Variants in GDPD3 observed in about 807,000 individuals in gnomAD.
The protein encoded by GDPD3 is lysophospholipase D GDPD3.
Under a neutral mutation model 43.7 loss-of-function variants are expected in GDPD3, and 40 were observed. The observed-to-expected ratio is 0.91, with a 90% CI of 0.71 to 1.19. The LOEUF (loss-of-function observed/expected upper bound fraction) is 1.19, where lower values mean the gene tolerates loss of function less well. Ranked by LOEUF, GDPD3 falls within the 50% of genes most tolerant of loss-of-function variation. The pLI is 0.00. For missense variants in GDPD3, 363 were observed against 415.8 expected (o/e 0.87, Z 1.11); for synonymous variants, 145 against 162.9 (o/e 0.89, Z 0.84).
At position 30,111,456 on chromosome 16, in the gene GDPD3, C is replaced by T. The variant is rs2072898806; in HGVS notation, c.639G>A (p.Leu213=). ...RGFWVLLSYY[L]GLLPFIPIPE... Reference sequence around the variant, plus strand: ...GGATTGGGATGAAGGGCAGCAGCCCCAGGTAGTAGGAAAGCAGCACCCAGA... The same window carrying T: ...GGATTGGGATGAAGGGCAGCAGCCCTAGGTAGTAGGAAAGCAGCACCCAGA... The change falls in exon 7 of 10, where the codon CTG becomes CTA. Residue 213 remains leucine (L), a synonymous_variant. Coordinates refer to ENST00000406256, the MANE Select transcript of GDPD3 (RefSeq NM_024307.3). 1.2e-6 allele frequency: 2 copies of T among 1,613,838 alleles called. No homozygotes were observed. The highest frequency in any genetic ancestry group is 1.7e-5 in the Admixed American group (1 of 59,972).
At position 30,108,194 on chromosome 16, in the gene GDPD3, G is replaced by A. The variant is rs140584552; in HGVS notation, c.819+19C>T. Reference sequence around the variant, plus strand: ...GCTGCCAGGTCTGTGTGCGGTGGAAGTGGTGGTCACGGCCTCACCTGCACC... The same window carrying A: ...GCTGCCAGGTCTGTGTGCGGTGGAAATGGTGGTCACGGCCTCACCTGCACC... On this transcript the variant is annotated intron_variant, in intron 9 of 9. Transcript: ENST00000406256. 55 of 1,570,714 alleles carry A rather than the reference G, an allele frequency of 3.5e-5. No homozygotes were observed. The highest frequency in any genetic ancestry group is 4.6e-5 in the Non-Finnish European group (53 of 1,153,850).
In GDPD3 at chr16:30,112,244, A is replaced by G. The variant is rs750439194; in HGVS notation, c.484-23T>C. On this transcript the variant is annotated intron_variant, in intron 5 of 9. Coordinates refer to ENST00000406256, the MANE Select transcript of GDPD3 (RefSeq NM_024307.3). This position sits in a 1 kb window ranked among gnomAD's most constrained non-coding sequence, Gnocchi z 5.4. ...TATCTGGGAGGAGGAGAAGGAGGTGAAGGGAGAGCCAGGCCTCTCTCACGC... is the reference window on the plus strand; with the variant it reads ...TATCTGGGAGGAGGAGAAGGAGGTGGAGGGAGAGCCAGGCCTCTCTCACGC... 1 of 1,613,672 alleles carries G rather than the reference A, an allele frequency of 6.2e-7. No individual in the cohort carries two copies. The highest frequency in any genetic ancestry group is 2.2e-5 in the East Asian group (1 of 44,874).
intron 6 of GDPD3, chr16:30,111,836 A>G (rs572266141): frequency 1.9e-5 from 10 of 534,086 alleles, no homozygotes; most frequent in African/African-American, 3.8e-5. Flanking sequence ...GGGAGGCTGA[A>G]GCATGAGAAT....
chr16:30,112,488 A>G lies in GDPD3; in HGVS notation c.364+35T>C. On this transcript the variant is annotated intron_variant, in intron 4 of 9. Coordinates refer to ENST00000406256, the MANE Select transcript of GDPD3 (RefSeq NM_024307.3). This position sits in a 1 kb window ranked among gnomAD's most constrained non-coding sequence, Gnocchi z 5.4. The stretch of plus-strand genomic sequence containing the variant: ...AGGCGGAGGTCCAAGGAAGGCAGGC[A>G]TGGCCCAGGCAGGGCTCGAAGCCCT... 1.2e-6 allele frequency: 2 copies of G among 1,614,058 alleles called. No individual in the cohort carries two copies. The highest frequency in any genetic ancestry group is 1.7e-6 in the Non-Finnish European group (2 of 1,179,906).
Position 30,112,242 on chromosome 16 carries a change from T to C in GDPD3, c.484-21A>G, listed in dbSNP as rs374321382. On this transcript the variant is annotated intron_variant, in intron 5 of 9. Coordinates refer to ENST00000406256, the MANE Select transcript of GDPD3 (RefSeq NM_024307.3). The surrounding 1 kb of genome is among the most constrained non-coding windows in gnomAD (Gnocchi z 5.4). ...GCTATCTGGGAGGAGGAGAAGGAGG[T>C]GAAGGGAGAGCCAGGCCTCTCTCAC... 12 of 1,613,398 alleles carry C rather than the reference T, an allele frequency of 7.4e-6. No individual in the cohort carries two copies. In the African/African-American group the frequency reaches 1.6e-4, roughly 22 times the overall value.
chr16:30,108,291 GTGA>G (rs749264033), intron 8 of GDPD3, 27 bp from the exon 9 acceptor site: 12 of 1,612,844 alleles, frequency 7.4e-6, no homozygotes, highest in African/African-American at 1.3e-5. Context: ...GACGTGGGAG[GTGA>G]TGATGAGAGG....
chr16:30,105,627 C>T (rs1024825070), intron 9 of GDPD3, among the ~76,000 whole-genome samples: 4 of 150,796 alleles, frequency 2.7e-5, no homozygotes, highest in Non-Finnish European at 5.9e-5. Flanking sequence ...GTCTCAGCCT[C>T]CTGAGTAGCT....
rs747568122 is a variant in GDPD3 at position 30,113,446 on chromosome 16, G to C, written c.33C>G (p.Ala11=). Residue 11 remains alanine (A), a synonymous_variant, in exon 1 of 10, where the codon GCC becomes GCG. Coordinates refer to ENST00000406256, the MANE Select transcript of GDPD3 (RefSeq NM_024307.3). The surrounding 1 kb of genome is among the most constrained non-coding windows in gnomAD (Gnocchi z 5.9). MSLLLYYALP[A]LGSYAMLSIF... The stretch of plus-strand genomic sequence containing the variant: ...TGGAGAGCATGGCATAGCTGCCCAG[G>C]GCAGGGAGGGCATAGTACAGCAAAA... 1 of 1,607,846 alleles carries C rather than the reference G, an allele frequency of 6.2e-7. No individual in the cohort carries two copies. The highest frequency in any genetic ancestry group is 8.5e-7 in the Non-Finnish European group (1 of 1,176,368).
Position 30,111,447 on chromosome 16 carries a change from C to A in GDPD3, c.648G>T (p.Leu216=), listed in dbSNP as rs1485043387. The A allele has an allele frequency of 6.2e-7, 1 of 1,614,000 alleles. No homozygotes were observed. Among genetic ancestry groups the A allele is most frequent in the Non-Finnish European group, 8.5e-7 (1 of 1,179,962 alleles). The change falls in exon 7 of 10, where the codon CTG becomes CTT. Residue 216 remains leucine (L), a synonymous_variant. Transcript: ENST00000406256. The part of the protein sequence containing the change: ...WVLLSYYLGL[L]PFIPIPEKFF... ...ACTTCTCAGGGATTGGGATGAAGGG[C>A]AGCAGCCCCAGGTAGTAGGAAAGCA...
Position 30,111,383 on chromosome 16 carries a change from G to A in GDPD3, c.707+5C>T. On this transcript the variant is annotated splice_donor_5th_base_variant and intron_variant, in intron 7 of 9. Transcript: ENST00000406256. ...GTTTTTCTGAGGTCCGCCCCCCACT[G>A]GTACCTGTTGATGATGTTGGGCAGG... 1 of 1,613,684 alleles carries A rather than the reference G, an allele frequency of 6.2e-7. No homozygotes were observed. Among genetic ancestry groups the A allele is most frequent in the Non-Finnish European group, 8.5e-7 (1 of 1,179,806 alleles).
intron 9 of GDPD3, among the ~76,000 whole-genome samples, chr16:30,105,531 G>A (rs1337648200): frequency 6.6e-6 from 1 of 150,636 alleles, no homozygotes; most frequent in Non-Finnish European, 1.5e-5. Context: ...TTGAGATGGA[G>A]TCTTGGTTTG....
Position 30,108,402 on chromosome 16 carries a change from C to T in GDPD3, c.738G>A (p.Leu246=). Residue 246 remains leucine (L), a synonymous_variant, in exon 8 of 10, where the codon CTG becomes CTA. Coordinates refer to ENST00000406256, the MANE Select transcript of GDPD3 (RefSeq NM_024307.3). Reference sequence around the variant, plus strand: ...TCGAAACCACAGCCAATAACTGGTTCAGGCAAGAGCAGGAAAATGGGAAAT... The same window carrying T: ...TCGAAACCACAGCCAATAACTGGTTTAGGCAAGAGCAGGAAAATGGGAAAT... ...RTYFPFSCSC[L]NQLLAVVSKW... is the part of the protein sequence containing the mutation. 1 of 1,614,046 alleles carries T rather than the reference C, an allele frequency of 6.2e-7. No individual in the cohort carries two copies. Among genetic ancestry groups the T allele is most frequent in the Non-Finnish European group, 8.5e-7 (1 of 1,180,010 alleles).
chr16:30,111,522 C>T lies in GDPD3; in HGVS notation c.574-1G>A, dbSNP rs2072899620. The T allele has an allele frequency of 1.2e-6, 2 of 1,613,594 alleles. No individual in the cohort carries two copies. Among genetic ancestry groups the T allele is most frequent in the African/African-American group, 2.7e-5 (2 of 74,858 alleles). ...TGAAGGACAGGGGCATCTCGGGGTT[C>T]TGGGGAGGCAAGGAGAGGCATGAGA... On this transcript the variant is annotated splice_acceptor_variant, in intron 6 of 9. Coordinates refer to ENST00000406256, the MANE Select transcript of GDPD3 (RefSeq NM_024307.3). LOFTEE classifies it high-confidence loss of function.
chr16:30,110,766 G>A (rs1292331426), intron 7 of GDPD3: 2 of 150,984 alleles, frequency 1.3e-5, no homozygotes, highest in Non-Finnish European at 2.9e-5. Flanking sequence ...CAGCTACTTA[G>A]GAGGCTGAGG....
chr16:30,113,360 C>T lies in GDPD3; in HGVS notation c.119G>A (p.Arg40His), dbSNP rs764745097. ...CTCACCTCCTCGGTGGGCCCCCAGG[C>T]GGATGCGGAAGGTGGGAGCCCTGGG... is the stretch of plus-strand genomic sequence containing the variant. ...HTPRAPTFRI[R>H]LGAHRGGSGE... The change falls in exon 1 of 10, where the codon CGC becomes CAC. Residue 40 changes from arginine (R) to histidine (H), a missense_variant. Coordinates refer to ENST00000406256, the MANE Select transcript of GDPD3 (RefSeq NM_024307.3). The surrounding 1 kb of genome is among the most constrained non-coding windows in gnomAD (Gnocchi z 5.9). The T allele has an allele frequency of 7.5e-6, 12 of 1,605,596 alleles. No individual in the cohort carries two copies. The highest frequency in any genetic ancestry group is 2.7e-5 in the African/African-American group (2 of 74,734).
In GDPD3 at chr16:30,113,021, C is replaced by T; in HGVS notation, c.182+1G>A. 1 of 1,613,438 alleles carries T rather than the reference C, an allele frequency of 6.2e-7. No individual in the cohort carries two copies. Among genetic ancestry groups the T allele is most frequent in the Non-Finnish European group, 8.5e-7 (1 of 1,179,746 alleles). ...GCCTGGGCAGGGGCAGATACACTCA[C>T]TTCTCCATGGCCTCCATGGTGTTCT... is the stretch of plus-strand genomic sequence containing the variant. On this transcript the variant is annotated splice_donor_variant, in intron 2 of 9. Coordinates refer to ENST00000406256, the MANE Select transcript of GDPD3 (RefSeq NM_024307.3). LOFTEE classifies it high-confidence loss of function. This position sits in a 1 kb window ranked among gnomAD's most constrained non-coding sequence, Gnocchi z 5.9.
In GDPD3 at chr16:30,113,230, A is replaced by T; in HGVS notation, c.139+110T>A. On this transcript the variant is annotated intron_variant, in intron 1 of 9. Transcript: ENST00000406256. This position sits in a 1 kb window ranked among gnomAD's most constrained non-coding sequence, Gnocchi z 5.9. ...TTCCTCGTCCACACCCTGCCCTGCC[A>T]CTTCGCTCTCCTTCTCTCTTGGTCC... 1.4e-6 allele frequency: 2 copies of T among 1,437,868 alleles called. No individual in the cohort carries two copies. Among genetic ancestry groups the T allele is most frequent in the Non-Finnish European group, 1.9e-6 (2 of 1,056,652 alleles). 89.1% of individuals were successfully genotyped at this position (1,437,868 alleles called of 1,614,324 possible).
chr16:30,112,913 AG>A lies in GDPD3; in HGVS notation c.182+108del. On this transcript the variant is annotated intron_variant, in intron 2 of 9. Coordinates refer to ENST00000406256, the MANE Select transcript of GDPD3 (RefSeq NM_024307.3). The surrounding 1 kb of genome is among the most constrained non-coding windows in gnomAD (Gnocchi z 5.4). ...GTGGCGGGATGTGCAGGCCACCTCCAGGGGGCGCCAGTCACCCAGCTAGGAA... is the reference window on the plus strand; with the variant it reads ...GTGGCGGGATGTGCAGGCCACCTCCAGGGGCGCCAGTCACCCAGCTAGGAA... 1 of 1,472,334 alleles carries A rather than the reference AG, an allele frequency of 6.8e-7. No individual in the cohort carries two copies. The allele number at this position is 1,472,334 out of a possible 1,614,324, so 91.2% of individuals were successfully genotyped here.
rs779240569 is a variant in GDPD3, at chr16:30,112,120, G to A, written c.573+12C>T. 6.2e-7 allele frequency: 1 copy of A among 1,606,302 alleles called. No individual in the cohort carries two copies. The highest frequency in any genetic ancestry group is 8.5e-7 in the Non-Finnish European group (1 of 1,173,496). On this transcript the variant is annotated intron_variant, in intron 6 of 9. Coordinates refer to ENST00000406256, the MANE Select transcript of GDPD3 (RefSeq NM_024307.3). The surrounding 1 kb of genome is among the most constrained non-coding windows in gnomAD (Gnocchi z 5.4). The stretch of plus-strand genomic sequence containing the variant: ...AGGAGGAAGAGGACGGGGGAGGGGT[G>A]GGGGGACTCACGGCAGCCTTGCATT...
Sources: gnomAD v4.1 joint callset for allele counts (sites outside exome capture counted in the v4.1 genomes callset) on GRCh38, gnomAD v4.1.1 for gene constraint, Gnocchi (gnomAD v3.1) non-coding constraint, MANE v1.5 for transcripts, NCBI Gene and HGNC (gene_info 2026-07-23, HGNC 2026-07-21) for gene names.